The following INTS4 variants were observed in gnomAD, a reference collection of about 807,000 sequenced individuals.
The protein encoded by INTS4 is integrator complex subunit 4, also known as MSTP093.
In INTS4, 70 loss-of-function variants were observed where a neutral mutation model predicts 119.5. That is an observed-to-expected ratio of 0.59 (90% CI 0.48 to 0.71). INTS4 has a LOEUF of 0.71. Ranked by LOEUF, INTS4 falls within the 30% of genes least tolerant of loss-of-function variation. The probability of loss-of-function intolerance (pLI) is 0.00; values close to 1 mark genes in which losing one functional copy is unlikely to be tolerated. For missense variants in INTS4, 867 were observed against 1,173.2 expected (o/e 0.74, Z 3.81); for synonymous variants, 316 against 419.6 (o/e 0.75, Z 3.02).
At chr11:77,909,508 A>G (rs985259587) in intron 15 of INTS4, among the ~76,000 whole-genome samples, 3 of 152,226 alleles carry the variant, frequency 2.0e-5, no homozygotes, top group Non-Finnish European at 4.4e-5. Context: ...GGCCTCTTTT[A>G]AAGGTTATTA....
chr11:77,975,341 A>G (rs1855903740), intron 4 of INTS4, among the ~76,000 whole-genome samples: 2 of 152,144 alleles, frequency 1.3e-5, no homozygotes, highest in Non-Finnish European at 2.9e-5. Context: ...CATTAGTTAC[A>G]TAGAAGTATG....
chr11:77,898,913 G>A (rs942734023), intron 18 of INTS4, among the ~76,000 whole-genome samples: 2 of 152,166 alleles, frequency 1.3e-5, no homozygotes, highest in Admixed American at 6.5e-5. Context: ...CCAGCTACTT[G>A]GGAGGCTGAG....
downstream of INTS4, among the ~76,000 whole-genome samples, chr11:77,875,681 A>G (rs1354956941): frequency 6.6e-6 from 1 of 152,132 alleles, no homozygotes; most frequent in Non-Finnish European, 1.5e-5. Flanking sequence ...ATACTATACT[A>G]TGTGTGAAGA....
chr11:77,960,517 G>A lies in INTS4; in HGVS notation c.658-126C>T, dbSNP rs980568862. On this transcript the variant is annotated intron_variant, in intron 5 of 22. Coordinates refer to ENST00000534064, the MANE Select transcript of INTS4 (RefSeq NM_033547.4). ...ACATGGTTCCTTTTAGCCAAAATTAGTGCTATATAAATAAGAAACCTTGTC... is the reference window on the plus strand; with the variant it reads ...ACATGGTTCCTTTTAGCCAAAATTAATGCTATATAAATAAGAAACCTTGTC... The A allele has an allele frequency of 1.1e-5, 7 of 614,178 alleles. No individual in the cohort carries two copies. In the African/African-American group the frequency reaches 1.3e-4, roughly 11 times the overall value. 38.0% of individuals were successfully genotyped at this position (614,178 alleles called of 1,614,324 possible).
At chr11:77,976,561 C>G (rs986614374) in intron 4 of INTS4, among the ~76,000 whole-genome samples, 1 of 152,268 alleles carries the variant, frequency 6.6e-6, no homozygotes, top group African/African-American at 2.4e-5. Flanking sequence ...TTTGACCCAG[C>G]AATCCCATTA....
At chr11:77,951,672 T>G (rs532949477) in intron 8 of INTS4, among the ~76,000 whole-genome samples, 1 of 152,200 alleles carries the variant, frequency 6.6e-6, no homozygotes, top group African/African-American at 2.4e-5. Flanking sequence ...TGGGATCTAA[T>G]TAAACTAAAG....
chr11:77,944,754 C>A (rs1198906247), intron 8 of INTS4, among the ~76,000 whole-genome samples: 1 of 152,214 alleles, frequency 6.6e-6, no homozygotes, highest in Non-Finnish European at 1.5e-5. Context: ...GAAATGTTCA[C>A]TGGAGCACTT....
chr11:77,937,422 A>G (rs1953823361), intron 10 of INTS4, among the ~76,000 whole-genome samples: 1 of 152,196 alleles, frequency 6.6e-6, no homozygotes, highest in Non-Finnish European at 1.5e-5. Flanking sequence ...AGATTTCTCA[A>G]CAGAAAACTA....
intron 8 of INTS4, among the ~76,000 whole-genome samples, chr11:77,947,099 C>T (rs1028492633): frequency 6.7e-6 from 1 of 148,710 alleles, no homozygotes; most frequent in Non-Finnish European, 1.5e-5. Flanking sequence ...TTCGAAATAA[C>T]CCATTAAGAG....
intron 1 of INTS4, 111 bp downstream of exon 1, chr11:77,994,479 T>G: frequency 2.4e-6 from 2 of 837,942 alleles, no homozygotes; most frequent in Non-Finnish European, 2.1e-6. Flanking sequence ...TATCAACAAG[T>G]CAGCACTTAA....
intron 8 of INTS4, among the ~76,000 whole-genome samples, chr11:77,943,317 A>G (rs1267381363): frequency 1.3e-5 from 2 of 152,214 alleles, no homozygotes; most frequent in South Asian, 2.1e-4. Context: ...TAAGTCCACA[A>G]ACACAGAGTC....
downstream of INTS4, chr11:77,876,952 T>C (rs1049058591): frequency 5.7e-6 from 4 of 703,324 alleles, no homozygotes; most frequent in Non-Finnish European, 1.0e-5. Flanking sequence ...TTGTCTAGGC[T>C]CCAACCCAGC....
intron 4 of INTS4, 133 bp from the exon 5 acceptor site, chr11:77,961,271 T>C: frequency 8.5e-7 from 1 of 1,173,356 alleles, no homozygotes; most frequent in Non-Finnish European, 1.1e-6. Flanking sequence ...AGACCTATAT[T>C]CTTAGGACAG....
chr11:77,892,853 G>C (rs1031643012), intron 19 of INTS4, among the ~76,000 whole-genome samples: 1 of 152,172 alleles, frequency 6.6e-6, no homozygotes, highest in African/African-American at 2.4e-5. Flanking sequence ...AAAGTGCTGG[G>C]ATTACAGGCG....
chr11:77,969,733 A>C (rs1855639794), intron 4 of INTS4, among the ~76,000 whole-genome samples: 1 of 151,850 alleles, frequency 6.6e-6, no homozygotes, highest in Non-Finnish European at 1.5e-5. Context: ...TCAGTTTTCA[A>C]ACATTATCAT....
At chr11:77,958,633 T>C in intron 7 of INTS4, 113 bp downstream of exon 7, 2 of 680,832 alleles carry the variant, frequency 2.9e-6, no homozygotes, top group Non-Finnish European at 5.3e-6. Context: ...TATTCCCCAT[T>C]GCCTTCCAAA....
intron 10 of INTS4, among the ~76,000 whole-genome samples, chr11:77,930,296 T>C (rs1324291775): frequency 2.6e-5 from 4 of 152,236 alleles, no homozygotes; most frequent in Non-Finnish European, 5.9e-5. Flanking sequence ...ATGTTAAAAG[T>C]AGAGTTACTA....
At chr11:77,928,691 A>C in intron 10 of INTS4, 144 bp from the exon 11 acceptor site, 1 of 1,336,644 alleles carries the variant, frequency 7.5e-7, no homozygotes, top group Non-Finnish European at 1.0e-6. Context: ...TACCAAAAAT[A>C]TTAAAAAATT....
chr11:77,878,987 C>T lies in INTS4; in HGVS notation c.2854G>A (p.Val952Ile). Residue 952 changes from valine to isoleucine, a missense_variant, in exon 23 of 23, where the codon GTA becomes ATA. Around this residue, in one of 5 missense-constraint regions of INTS4, gnomAD observed 122 missense variants for 133.2 expected, o/e 0.92. Coordinates refer to ENST00000534064, the MANE Select transcript of INTS4 (RefSeq NM_033547.4). The stretch of plus-strand genomic sequence containing the variant: ...GGTTTGGGCATTATATAAACTTTTA[C>T]AGGCTTGCTGAAGGGAATGGTGCCC... ...IEGTIPFSKP[V>I]KVYIMPKPAR... The T allele has an allele frequency of 6.2e-7, 1 of 1,614,128 alleles. No homozygotes were observed. Among genetic ancestry groups the T allele is most frequent in the Non-Finnish European group, 8.5e-7 (1 of 1,180,030 alleles).
Sources: gnomAD v4.1 joint callset for allele counts (sites outside exome capture counted in the v4.1 genomes callset) on GRCh38, gnomAD v4.1.1 for gene constraint, gnomAD v4.1.1 regional missense constraint, MANE v1.5 for transcripts, NCBI Gene and HGNC (gene_info 2026-07-23, HGNC 2026-07-21) for gene names.